The following SLC35F4 variants were observed in gnomAD, a reference collection of about 807,000 sequenced individuals.
The protein encoded by SLC35F4 is solute carrier family 35 member F4.
Under a neutral mutation model 44.2 loss-of-function variants are expected in SLC35F4, and 24 were observed. The observed-to-expected ratio is 0.54, with a 90% confidence interval of 0.39 to 0.76. The LOEUF is 0.76. SLC35F4 is among the 30% of genes least tolerant of loss of function. The pLI, the probability that SLC35F4 is intolerant of heterozygous loss-of-function variation, is 0.00. For synonymous variants in SLC35F4, 238 were observed against 223.6 expected (o/e 1.06, Z -0.57); for missense variants, 562 against 586.1 (o/e 0.96, Z 0.42).
intron 1 of SLC35F4, among the ~76,000 whole-genome samples, chr14:57,617,916 T>C (rs1156877869): frequency 6.6e-6 from 1 of 150,774 alleles, no homozygotes; most frequent in African/African-American, 2.5e-5. Flanking sequence ...TCAAAGAAAA[T>C]AAACTCTGAC....
intron 1 of SLC35F4, among the ~76,000 whole-genome samples, chr14:57,802,580 T>C (rs1190341439): frequency 6.6e-6 from 1 of 150,898 alleles, no homozygotes; most frequent in Non-Finnish European, 1.5e-5. Flanking sequence ...GCTAGACTAA[T>C]AAAGAAAAGA....
chr14:57,924,930 T>C (rs1006877385), intron 1 of SLC35F4, among the ~76,000 whole-genome samples: 1 of 151,780 alleles, frequency 6.6e-6, no homozygotes, highest in African/African-American at 2.4e-5. Flanking sequence ...TTTGTTTTTG[T>C]TTTTTTTAAG....
At chr14:57,724,824 G>A (rs370109368) in intron 1 of SLC35F4, among the ~76,000 whole-genome samples, 115 of 152,294 alleles carry the variant, frequency 7.6e-4, no homozygotes, top group African/African-American at 2.0e-3. Flanking sequence ...GAAGGACAGC[G>A]ATGAAAGGAA....
intron 1 of SLC35F4, among the ~76,000 whole-genome samples, chr14:57,760,221 T>C (rs749791061): frequency 1.3e-5 from 2 of 152,138 alleles, no homozygotes; most frequent in Non-Finnish European, 2.9e-5. Context: ...GTTGTAAGAT[T>C]AGGGTCCAAT....
rs147252201 is a variant in SLC35F4 at position 57,932,717 on chromosome 14, C to A, written n.282+49196G>T. Among the ~76,000 whole-genome samples, 87 of 152,198 alleles carry A rather than the reference C, an allele frequency of 5.7e-4. 1 individual carries two copies. The highest frequency in any genetic ancestry group is 2.0e-3 in the African/African-American group (83 of 41,522). On this transcript the variant is annotated intron_variant and non_coding_transcript_variant, in intron 1 of 1. Coordinates refer to the SLC35F4 transcript ENST00000556568. ...TACAAAAATTAGTTGAGCATGGTGGCAGGCTCCTGTAATCCCAGCTACTTG... is the reference window on the plus strand; with the variant it reads ...TACAAAAATTAGTTGAGCATGGTGGAAGGCTCCTGTAATCCCAGCTACTTG...
chr14:57,840,864 C>T (rs946773581), intron 1 of SLC35F4, among the ~76,000 whole-genome samples: 1 of 152,180 alleles, frequency 6.6e-6, no homozygotes, highest in Non-Finnish European at 1.5e-5. Flanking sequence ...ATGAGTACCA[C>T]TGAAAATCTG....
intron 1 of SLC35F4, among the ~76,000 whole-genome samples, chr14:57,881,712 A>G (rs1175502794): frequency 1.3e-5 from 2 of 152,182 alleles, no homozygotes; most frequent in East Asian, 3.8e-4. Flanking sequence ...AGTCATGCAG[A>G]GGAACATGTT....
intron 1 of SLC35F4, among the ~76,000 whole-genome samples, chr14:57,963,330 G>A (rs756645414): frequency 6.6e-6 from 1 of 152,122 alleles, no homozygotes; most frequent in Non-Finnish European, 1.5e-5. Flanking sequence ...TGATTAACTG[G>A]GGCAAGACTG....
downstream of SLC35F4, among the ~76,000 whole-genome samples, chr14:57,974,228 A>G (rs1484336487): frequency 6.6e-6 from 1 of 152,128 alleles, no homozygotes. Context: ...GCGACTGTCA[A>G]GTGAGCACCT....
intron 1 of SLC35F4, among the ~76,000 whole-genome samples, chr14:57,747,178 G>A (rs1263765724): frequency 6.6e-6 from 1 of 152,158 alleles, no homozygotes; most frequent in African/African-American, 2.4e-5. Flanking sequence ...TCAGAACAAA[G>A]GGCCTGGCTG....
chr14:57,946,218 G>GT (rs1177020956), intron 1 of SLC35F4, among the ~76,000 whole-genome samples: 1 of 152,062 alleles, frequency 6.6e-6, no homozygotes, highest in Non-Finnish European at 1.5e-5. Flanking sequence ...GTCTAAAAGA[G>GT]TTTTTTCCAA....
At chr14:57,874,218 A>C (rs1259739689) in intron 1 of SLC35F4, among the ~76,000 whole-genome samples, 3 of 151,844 alleles carry the variant, frequency 2.0e-5, no homozygotes, top group Non-Finnish European at 4.4e-5. Flanking sequence ...TGCTAACCCC[A>C]TCCTCCTTCC....
intron 1 of SLC35F4, among the ~76,000 whole-genome samples, chr14:57,659,624 T>G (rs1486733908): frequency 6.6e-6 from 1 of 152,112 alleles, no homozygotes; most frequent in Non-Finnish European, 1.5e-5. Flanking sequence ...AATAACAGAG[T>G]TAGGATTTAA....
chr14:57,621,161 C>A (rs370598041), intron 1 of SLC35F4, among the ~76,000 whole-genome samples: 2 of 151,594 alleles, frequency 1.3e-5, no homozygotes, highest in African/African-American at 4.8e-5. Context: ...CTCAATGAAA[C>A]AAAAGAGGAT....
intron 1 of SLC35F4, among the ~76,000 whole-genome samples, chr14:57,758,533 A>G (rs1158796522): frequency 1.3e-5 from 2 of 151,968 alleles, no homozygotes; most frequent in African/African-American, 4.8e-5. Flanking sequence ...TATATATTCC[A>G]TGTCTTAACA....
At chr14:57,883,709 C>G (rs921215601) in intron 1 of SLC35F4, among the ~76,000 whole-genome samples, 3 of 152,158 alleles carry the variant, frequency 2.0e-5, no homozygotes, top group Non-Finnish European at 4.4e-5. Flanking sequence ...GGGGCCTCAT[C>G]ATCTTGAATC....
At chr14:57,882,718 G>A (rs1888561981) in intron 1 of SLC35F4, among the ~76,000 whole-genome samples, 1 of 152,184 alleles carries the variant, frequency 6.6e-6, no homozygotes, top group Non-Finnish European at 1.5e-5. Context: ...CCTTTGGGTA[G>A]TAAGCCTCAT....
At chr14:57,615,563 A>C (rs1185891554) in intron 1 of SLC35F4, among the ~76,000 whole-genome samples, 1 of 152,126 alleles carries the variant, frequency 6.6e-6, no homozygotes, top group East Asian at 1.9e-4. Context: ...TTAGAACTTC[A>C]GTTCTGCATA....
chr14:57,632,482 A>G (rs1033835699), intron 1 of SLC35F4, among the ~76,000 whole-genome samples: 4 of 152,130 alleles, frequency 2.6e-5, no homozygotes, highest in African/African-American at 9.7e-5. Context: ...TTCTTAAAAA[A>G]TAGACTGTAT....
Sources: allele counts gnomAD v4.1 joint callset (sites outside exome capture counted in the v4.1 genomes callset), GRCh38; gene constraint gnomAD v4.1.1; transcripts MANE v1.5; gene names NCBI Gene and HGNC (gene_info 2026-07-23, HGNC 2026-07-21).